OPA3: variants seen among roughly 807,000 people sequenced by gnomAD.
The protein encoded by OPA3 is optic atrophy 3 protein.
Under a neutral mutation model 4.0 loss-of-function variants are expected in OPA3, and 6 were observed. That is an observed-to-expected ratio of 1.51 (90% CI 0.83 to 2.99). The LOEUF (loss-of-function observed/expected upper bound fraction) is 2.99, where lower values mean the gene tolerates loss of function less well. OPA3 is among the 30% of genes most tolerant of loss of function. The pLI is 0.00. For synonymous variants in OPA3, 105 were observed against 117.1 expected (o/e 0.90, Z 0.67); for missense variants, 235 against 256.2 (o/e 0.92, Z 0.56).
intron 1 of OPA3, among the ~76,000 whole-genome samples, chr19:45,530,135 G>T (rs1286723781): frequency 1.3e-5 from 2 of 152,116 alleles, no homozygotes; most frequent in African/African-American, 4.8e-5. Context: ...GGGTGGCTCA[G>T]TTGAGATCAG....
Position 45,584,747 on chromosome 19 carries a change from G to A in OPA3, c.18C>T (p.Phe6=), listed in dbSNP as rs1243569828. The change falls in exon 1 of 2, where the codon TTC becomes TTT. Residue 6 remains phenylalanine (F), a synonymous_variant. Coordinates refer to ENST00000263275, the MANE Select transcript of OPA3 (RefSeq NM_025136.4). ...CCAAGTATAGCAGCTTCGCCATAGG[G>A]AACGCGCCCACCACCATCTTGGCGG... The part of the protein sequence containing the change: MVVGA[F]PMAKLLYLGI... The A allele has an allele frequency of 2.5e-6, 4 of 1,613,916 alleles. No homozygotes were observed. The highest frequency in any genetic ancestry group is 1.1e-5 in the South Asian group (1 of 91,082).
chr19:45,553,644 T>A lies in OPA3; in HGVS notation c.410A>T (p.Gln137Leu), dbSNP rs372161100. Residue 137 changes from glutamine to leucine, a missense_variant, in exon 2 of 2, where the codon CAG becomes CTG. By Grantham distance (113) the Gln-to-Leu change is moderately radical. Coordinates refer to ENST00000263275, the MANE Select transcript of OPA3 (RefSeq NM_025136.4). ...TGGCGGCGCCGCCTGCACCTGCGCC[T>A]GCAGCGCTTCCAGCGCCAGCGCCAG... Reference protein sequence around the residue: ...GHLALALEALQAQVQAAPPQG... With the variant: ...GHLALALEALLAQVQAAPPQG... 2 of 1,605,772 alleles carry A rather than the reference T, an allele frequency of 1.2e-6. No homozygotes were observed. Among genetic ancestry groups the A allele is most frequent in the Non-Finnish European group, 1.7e-6 (2 of 1,178,414 alleles).
At chr19:45,543,739 T>C (rs1262950316), downstream of OPA3, among the ~76,000 whole-genome samples, 2 of 152,174 alleles carry the variant, frequency 1.3e-5, no homozygotes, top group Non-Finnish European at 2.9e-5. Flanking sequence ...AGTGCTGGGA[T>C]TACAGGTGTG....
intron 1 of OPA3, among the ~76,000 whole-genome samples, chr19:45,580,059 C>T (rs773120557): frequency 1.3e-4 from 19 of 148,702 alleles, no homozygotes; most frequent in South Asian, 2.1e-4. Flanking sequence ...TGTAGTGGCA[C>T]GATCTCGGCT....
intron 1 of OPA3, among the ~76,000 whole-genome samples, chr19:45,533,064 T>C (rs567667114): frequency 6.8e-6 from 1 of 147,564 alleles, no homozygotes; most frequent in South Asian, 2.2e-4. Context: ...GATATTTTTG[T>C]ATTTTTAGTA....
In OPA3 at chr19:45,547,949, G is replaced by A. The variant is rs145816878; in HGVS notation, c.*5565C>T. 223 of 222,898 alleles carry A rather than the reference G, an allele frequency of 1.0e-3. No individual in the cohort carries two copies. The highest frequency in any genetic ancestry group is 4.8e-3 in the African/African-American group (204 of 42,814). 13.8% of individuals were successfully genotyped at this position (222,898 alleles called of 1,614,324 possible). ...CGACCTCAGGGGATTGGCCCGCCTC[G>A]GCCTCCCAAAGTGCTGAGATTACAG... is the stretch of plus-strand genomic sequence containing the variant. On this transcript the variant is annotated 3_prime_UTR_variant, in exon 2 of 2. Transcript: ENST00000263275.
intron 1 of OPA3, 71 bp from the exon 2 acceptor site, chr19:45,553,982 A>G: frequency 7.6e-7 from 1 of 1,317,328 alleles, no homozygotes; most frequent in Non-Finnish European, 1.1e-6. Context: ...TCACCCAGGG[A>G]ATGCAGTCAC....
chr19:45,561,118 G>A (rs1337021393), intron 1 of OPA3, among the ~76,000 whole-genome samples: 1 of 152,188 alleles, frequency 6.6e-6, no homozygotes, highest in Non-Finnish European at 1.5e-5. Context: ...TGGATCACCT[G>A]AGGTCGGGAG....
intron 1 of OPA3, among the ~76,000 whole-genome samples, chr19:45,555,116 C>T (rs538140303): frequency 3.9e-5 from 6 of 152,170 alleles, no homozygotes; most frequent in East Asian, 1.9e-4. Flanking sequence ...AAAGTAACTG[C>T]GCACTAATAA....
Position 45,549,207 on chromosome 19 carries a change from A to G in OPA3, c.*4307T>C, listed in dbSNP as rs932856549. On this transcript the variant is annotated 3_prime_UTR_variant, in exon 2 of 2. Transcript: ENST00000263275. ...CCTCTCCCCAAATTACAAGGTACACAGAATTCTAGCTAGCAGAACACACGA... is the reference window on the plus strand; with the variant it reads ...CCTCTCCCCAAATTACAAGGTACACGGAATTCTAGCTAGCAGAACACACGA... 1.0e-6 allele frequency: 1 copy of G among 985,438 alleles called. No homozygotes were observed. Among genetic ancestry groups the G allele is most frequent in the Non-Finnish European group, 1.2e-6 (1 of 829,936 alleles). 61.0% of individuals were successfully genotyped at this position (985,438 alleles called of 1,614,324 possible).
chr19:45,559,422 G>C (rs1178180884), intron 1 of OPA3, among the ~76,000 whole-genome samples: 1 of 43,808 alleles, frequency 2.3e-5, no homozygotes, highest in Non-Finnish European at 4.3e-5. Context: ...TTTTTTTTGA[G>C]ATGGAGTCTC....
At chr19:45,562,884 C>T (rs573793927) in intron 1 of OPA3, among the ~76,000 whole-genome samples, 3 of 152,232 alleles carry the variant, frequency 2.0e-5, no homozygotes, top group East Asian at 3.9e-4. Context: ...TCCGGAGACT[C>T]TGGGTGAAAG....
intron 1 of OPA3, among the ~76,000 whole-genome samples, chr19:45,558,673 C>T (rs187037934): frequency 9.4e-4 from 143 of 152,258 alleles, no homozygotes; most frequent in African/African-American, 3.2e-3. Context: ...TCCGCTCCCC[C>T]ATTTCTACAG....
At chr19:45,570,978 T>TGGG (rs66483717) in intron 1 of OPA3, among the ~76,000 whole-genome samples, 707 of 65,734 alleles carry the variant, frequency 0.011, 14 homozygotes, top group African/African-American at 0.018. Context: ...CAAAACTATT[T>TGGG]GGGGGGGGGG....
chr19:45,563,148 T>C (rs939347531), intron 1 of OPA3, among the ~76,000 whole-genome samples: 2 of 152,084 alleles, frequency 1.3e-5, no homozygotes, highest in South Asian at 2.1e-4. Context: ...TGCAGCATAG[T>C]GTATGATAAC....
At chr19:45,530,877 T>A (rs1180772887) in intron 1 of OPA3, among the ~76,000 whole-genome samples, 1 of 149,574 alleles carries the variant, frequency 6.7e-6, no homozygotes, top group Non-Finnish European at 1.5e-5. Context: ...TTCTGGTGGC[T>A]TAGCCTCCCA....
Position 45,548,055 on chromosome 19 carries a change from T to A in OPA3, c.*5459A>T. 1.1e-6 allele frequency: 1 copy of A among 927,396 alleles called. No individual in the cohort carries two copies. Among genetic ancestry groups the A allele is most frequent in the Non-Finnish European group, 1.3e-6 (1 of 777,010 alleles). 57.4% of individuals were successfully genotyped at this position (927,396 alleles called of 1,614,324 possible). On this transcript the variant is annotated 3_prime_UTR_variant, in exon 2 of 2. Transcript: ENST00000263275. ...TAGAATGTCAGCTCCAGTGAGGGCCTCTGCTTGCTCCCAACTGGCTCCCAG... is the reference window on the plus strand; with the variant it reads ...TAGAATGTCAGCTCCAGTGAGGGCCACTGCTTGCTCCCAACTGGCTCCCAG...
Position 45,540,225 on chromosome 19 carries a change from G to A in OPA3, c.143-10769C>T, listed in dbSNP as rs371876335. On this transcript the variant is annotated intron_variant, in intron 1 of 1. Transcript: ENST00000323060. ...CCAGCTACTCGGGAGGCTGAGGCAGGAGAATCGCTTGAACCCAGGAGGCAG... is the reference window on the plus strand; with the variant it reads ...CCAGCTACTCGGGAGGCTGAGGCAGAAGAATCGCTTGAACCCAGGAGGCAG... 2.0e-5 allele frequency among the ~76,000 whole-genome samples: 3 copies of A among 152,086 alleles called. No individual in the cohort carries two copies. In the East Asian group the frequency reaches 5.8e-4, roughly 29 times the overall value.
At chr19:45,554,057 GA>G in intron 1 of OPA3, 146 bp from the exon 2 acceptor site, 2 of 678,164 alleles carry the variant, frequency 2.9e-6, no homozygotes, top group East Asian at 5.5e-5. Flanking sequence ...CCAGGAATAA[GA>G]AACACTGCCC....
Sources: gnomAD v4.1 joint callset for allele counts (sites outside exome capture counted in the v4.1 genomes callset) on GRCh38, gnomAD v4.1.1 for gene constraint, MANE v1.5 for transcripts, NCBI Gene and HGNC (gene_info 2026-07-23, HGNC 2026-07-21) for gene names.